The following WDR20 variants were observed in gnomAD, a reference collection of about 807,000 sequenced individuals.
The protein encoded by WDR20 is WD repeat domain 20.
Under a neutral mutation model 38.7 loss-of-function variants are expected in WDR20, and 3 were observed. That is an observed-to-expected ratio of 0.08 (90% CI 0.04 to 0.20). The LOEUF is 0.20. WDR20 is among the 10% of genes least tolerant of loss of function. The probability of loss-of-function intolerance (pLI) is 1.00; values close to 1 mark genes in which losing one functional copy is unlikely to be tolerated. For synonymous variants in WDR20, 298 were observed against 285.6 expected, an observed-to-expected ratio of 1.04 and a Z score of -0.44; for missense variants, 559 against 727.7, an observed-to-expected ratio of 0.77 and a Z score of 2.67.
chr14:102,168,790 C>G (rs1399003593), intron 1 of WDR20, among the ~76,000 whole-genome samples: 5 of 152,090 alleles, frequency 3.3e-5, no homozygotes, highest in Admixed American at 3.3e-4. Context: ...CTAAATATAT[C>G]CAGAATCTGA....
chr14:102,171,455 C>T (rs2060814247), intron 1 of WDR20: 1 of 151,546 alleles, frequency 6.6e-6, no homozygotes, highest in Admixed American at 6.6e-5. Flanking sequence ...GGTTTCATTT[C>T]TTACATATGA....
At chr14:102,183,279 G>A (rs1330801381) in intron 1 of WDR20, among the ~76,000 whole-genome samples, 1 of 152,178 alleles carries the variant, frequency 6.6e-6, no homozygotes, top group Non-Finnish European at 1.5e-5. Flanking sequence ...TTGATTTGAG[G>A]CTGTATTCTT....
Position 102,210,090 on chromosome 14 carries a change from T to G in WDR20, c.*210T>G. 1 of 1,333,182 alleles carries G rather than the reference T, an allele frequency of 7.5e-7. No homozygotes were observed. Among genetic ancestry groups the G allele is most frequent in the Non-Finnish European group, 9.6e-7 (1 of 1,045,852 alleles). 82.6% of individuals were successfully genotyped at this position (1,333,182 alleles called of 1,614,324 possible). On this transcript the variant is annotated 3_prime_UTR_variant, in exon 3 of 3. Transcript: ENST00000342702. ...TTTAAAAAAATATAATCAAACTAAT[T>G]GCCAGCCAAGTCAGTCATCCTCCTG...
At chr14:102,214,225 C>G, downstream of WDR20, 10 of 985,454 alleles carry the variant, frequency 1.0e-5, no homozygotes, top group Non-Finnish European at 1.2e-5. Flanking sequence ...AGTCTACCAC[C>G]CTGGCAGCAG....
At chr14:102,144,562 C>T (rs1411413039) in intron 1 of WDR20, among the ~76,000 whole-genome samples, 5 of 151,970 alleles carry the variant, frequency 3.3e-5, no homozygotes, top group Non-Finnish European at 5.9e-5. Context: ...TGGACCAATC[C>T]TCTCATTTTA....
chr14:102,200,809 A>G (rs1393429192), intron 2 of WDR20, among the ~76,000 whole-genome samples: 3 of 152,184 alleles, frequency 2.0e-5, no homozygotes, highest in Non-Finnish European at 2.9e-5. Context: ...AGGCAGACAC[A>G]CTGGGTAGGT....
chr14:102,217,491 G>A (rs146682348), downstream of WDR20, among the ~76,000 whole-genome samples: 1 of 152,328 alleles, frequency 6.6e-6, no homozygotes, highest in East Asian at 1.9e-4. Context: ...ACTGTCACCT[G>A]TCAGTGGACA....
chr14:102,213,217 C>G, downstream of WDR20: 2 of 985,458 alleles, frequency 2.0e-6, no homozygotes, highest in Non-Finnish European at 2.4e-6. Context: ...TTCTCTGAGG[C>G]TTTTTTCTTA....
chr14:102,143,773 G>A (rs1036543120), intron 1 of WDR20, among the ~76,000 whole-genome samples: 1 of 151,856 alleles, frequency 6.6e-6, no homozygotes, highest in Non-Finnish European at 1.5e-5. Context: ...TCGAACTCCT[G>A]ACCTCGTGAT....
At chr14:102,223,763 C>G (rs999862638), downstream of WDR20, 1 of 151,878 alleles carries the variant, frequency 6.6e-6, no homozygotes, top group African/African-American at 2.4e-5. Context: ...TCTTTTTCAC[C>G]CCATGTTACT....
chr14:102,161,140 A>ATTT (rs1369897890), intron 1 of WDR20, among the ~76,000 whole-genome samples: 12 of 10,796 alleles, frequency 1.1e-3, no homozygotes, highest in African/African-American at 4.2e-3. Context: ...ATATATATAT[A>ATTT]TATTTTTTTT....
At chr14:102,179,979 C>G (rs1049381652) in intron 1 of WDR20, among the ~76,000 whole-genome samples, 2 of 152,104 alleles carry the variant, frequency 1.3e-5, no homozygotes, top group Non-Finnish European at 2.9e-5. Context: ...ATGGTGAAAC[C>G]CTGTCTCTAC....
intron 1 of WDR20, among the ~76,000 whole-genome samples, chr14:102,153,703 G>C (rs1312353115): frequency 6.6e-6 from 1 of 152,144 alleles, no homozygotes; most frequent in Admixed American, 6.5e-5. Flanking sequence ...AGTACAACTT[G>C]TGCCCTCCCT....
At chr14:102,200,467 T>TTTTTTGTGTG (rs748066838) in intron 2 of WDR20, among the ~76,000 whole-genome samples, 12 of 117,766 alleles carry the variant, frequency 1.0e-4, no homozygotes, top group African/African-American at 3.7e-4. Flanking sequence ...ATTTTTTTTT[T>TTTTTTGTGTG]TGTGTGTGTG....
downstream of WDR20, among the ~76,000 whole-genome samples, chr14:102,219,139 C>T (rs1305777791): frequency 1.3e-5 from 2 of 152,194 alleles, no homozygotes; most frequent in Non-Finnish European, 2.9e-5. Flanking sequence ...CCATGGGGGC[C>T]TAGGTGTCTG....
intron 1 of WDR20, among the ~76,000 whole-genome samples, chr14:102,175,244 A>T (rs988446926): frequency 2.6e-5 from 4 of 152,290 alleles, no homozygotes; most frequent in Admixed American, 2.6e-4. Flanking sequence ...AGAGATGAGG[A>T]TCCAATTTTA....
Position 102,206,306 on chromosome 14 carries a change from C to T in WDR20, c.433-2297C>T, listed in dbSNP as rs377455314. Among the ~76,000 whole-genome samples the T allele has an allele frequency of 3.9e-5, 6 of 152,100 alleles. No homozygotes were observed. The South Asian group carries it at 6.2e-4, about 16-fold the overall frequency. ...CTGGCCACAGTGCAGCTTCTTAATA[C>T]GGGAGTGAAGGTTTTTAATGTGTTT... On this transcript the variant is annotated intron_variant, in intron 2 of 2. Transcript: ENST00000342702.
At chr14:102,158,174 C>G (rs903704778) in intron 1 of WDR20, among the ~76,000 whole-genome samples, 3 of 152,144 alleles carry the variant, frequency 2.0e-5, no homozygotes, top group Non-Finnish European at 4.4e-5. Context: ...CACGTGTGCC[C>G]TGCATGTGGT....
At chr14:102,161,747 GT>G (rs2058805655) in intron 1 of WDR20, among the ~76,000 whole-genome samples, 1 of 152,004 alleles carries the variant, frequency 6.6e-6, no homozygotes, top group Admixed American at 6.6e-5. Context: ...TTTCAGCCCG[GT>G]TTAGGTGGCA....
Sources: gnomAD v4.1 joint callset for allele counts (sites outside exome capture counted in the v4.1 genomes callset) on GRCh38, gnomAD v4.1.1 for gene constraint, MANE v1.5 for transcripts, NCBI Gene and HGNC (gene_info 2026-07-23, HGNC 2026-07-21) for gene names.